HACL1: variants seen among roughly 807,000 people sequenced by gnomAD.
HACL1 encodes the protein 2-hydroxyacyl-CoA lyase 1.
HACL1 carries 64 observed loss-of-function variants against 74.2 expected under a neutral mutation model. That is an observed-to-expected ratio of 0.86 (90% confidence interval 0.70 to 1.06). The LOEUF is 1.06. HACL1 is among the 50% of genes least tolerant of loss of function. The probability of loss-of-function intolerance (pLI) is 0.00; values close to 1 mark genes in which losing one functional copy is unlikely to be tolerated. For synonymous variants in HACL1, 230 were observed against 238.8 expected (o/e 0.96, Z 0.34); for missense variants, 728 against 719.7 (o/e 1.01, Z -0.13).
intron 10 of HACL1, among the ~76,000 whole-genome samples, chr3:15,573,693 C>T (rs2063574862): frequency 1.3e-5 from 2 of 152,100 alleles, no homozygotes; most frequent in South Asian, 2.1e-4. Flanking sequence ...ATAGGTCTGG[C>T]GTAGGGTCCA....
intron 14 of HACL1, among the ~76,000 whole-genome samples, chr3:15,564,899 G>A (rs1362399528): frequency 6.6e-6 from 1 of 152,182 alleles, no homozygotes; most frequent in Non-Finnish European, 1.5e-5. Flanking sequence ...GGGCATGATG[G>A]CTCATGCCTG....
At position 15,598,433 on chromosome 3, in the gene HACL1, G is replaced by A. The variant is rs142531916; in HGVS notation, c.187-2009C>T. Among the ~76,000 whole-genome samples the A allele has an allele frequency of 3.1e-4, 47 of 152,306 alleles. 1 individual carries two copies. The East Asian group carries it at 8.5e-3, about 27-fold the overall frequency. The stretch of plus-strand genomic sequence containing the variant: ...GTGGACTCTCGAGCCAATCTGTTTT[G>A]ATTTAAATCCCAGCTTCCCCACTTT... On this transcript the variant is annotated intron_variant, in intron 2 of 16. Transcript: ENST00000321169.
intron 2 of HACL1, among the ~76,000 whole-genome samples, chr3:15,597,490 C>T (rs962396571): frequency 5.4e-5 from 8 of 149,054 alleles, no homozygotes; most frequent in African/African-American, 2.1e-4. Context: ...TCTTCTTAGT[C>T]TGGGACATCA....
Position 15,571,753 on chromosome 3 carries a change from T to C in HACL1, c.1010A>G (p.Asp337Gly). The C allele has an allele frequency of 7.8e-7, 1 of 1,289,092 alleles. No individual in the cohort carries two copies. Among genetic ancestry groups the C allele is most frequent in the East Asian group, 3.1e-5 (1 of 31,758 alleles). The allele number at this position is 1,289,092 out of a possible 1,614,324, so 79.9% of individuals were successfully genotyped here. Reference sequence around the variant, plus strand: ...TGGAGGATACTGCCATGGTGTTTTATCAAGTTCCTCTAAAAGCTTAAAAAA... The same window carrying C: ...TGGAGGATACTGCCATGGTGTTTTACCAAGTTCCTCTAAAAGCTTAAAAAA... ...AVTKQLLEEL[D>G]KTPWQYPPES... Residue 337 changes from aspartate to glycine, a missense_variant, in exon 12 of 17, where the codon GAT (aspartate) becomes GGT (glycine). Asp to Gly is a moderately conservative substitution (Grantham distance 94). Coordinates refer to ENST00000321169, the MANE Select transcript of HACL1 (RefSeq NM_012260.4).
At chr3:15,573,299 A>C in intron 10 of HACL1, 57 bp from the exon 11 acceptor site, 2 of 976,594 alleles carry the variant, frequency 2.0e-6, no homozygotes, top group South Asian at 2.6e-5. Context: ...AATATGTAAG[A>C]AGGCAATTAC....
Position 15,563,390 on chromosome 3 carries a change from T to C in HACL1, c.1672A>G (p.Met558Val), listed in dbSNP as rs1220160709. 2 of 1,613,668 alleles carry C rather than the reference T, an allele frequency of 1.2e-6. No individual in the cohort carries two copies. The highest frequency in any genetic ancestry group is 1.7e-6 in the Non-Finnish European group (2 of 1,179,722). Residue 558 changes from methionine to valine, a missense_variant, in exon 16 of 17, where the codon ATG becomes GTG. Transcript: ENST00000321169. ...DTTKPSLINI[M>V]IEPQATRKAQ... is the part of the protein sequence containing the mutation. ...TTCCGTGTGGCTTGTGGCTCAATCATGATGTTGATAAGAGAAGGTTTAGTT... is the reference window on the plus strand; with the variant it reads ...TTCCGTGTGGCTTGTGGCTCAATCACGATGTTGATAAGAGAAGGTTTAGTT...
intron 9 of HACL1, among the ~76,000 whole-genome samples, chr3:15,575,567 GTC>G (rs1420949157): frequency 6.6e-6 from 1 of 151,950 alleles, no homozygotes; most frequent in Non-Finnish European, 1.5e-5. Flanking sequence ...TTGAGACAGG[GTC>G]TCTCTCTCTT....
chr3:15,600,379 T>C (rs961519742), intron 2 of HACL1, among the ~76,000 whole-genome samples: 1 of 152,226 alleles, frequency 6.6e-6, no homozygotes, highest in Admixed American at 6.5e-5. Flanking sequence ...ATCACAGAAG[T>C]GGATTCTTGA....
intron 14 of HACL1, among the ~76,000 whole-genome samples, chr3:15,567,130 G>C (rs1000481426): frequency 3.3e-5 from 5 of 150,424 alleles, no homozygotes; most frequent in Admixed American, 3.3e-4. Flanking sequence ...TTGGTTAAGT[G>C]ACTTAAAGTC....
At chr3:15,592,025 CTACA>C (rs2063911679) in intron 3 of HACL1, among the ~76,000 whole-genome samples, 1 of 138,296 alleles carries the variant, frequency 7.2e-6, no homozygotes. Flanking sequence ...TATACACACA[CTACA>C]TACGTATATA....
At position 15,571,785 on chromosome 3, in the gene HACL1, ACACAC is replaced by A; in HGVS notation, c.994-21_994-17del. Reference sequence around the variant, plus strand: ...CCTCTAAAAGCTTAAAAAAAAAAAAACACACACACACAAACACATAAACTTTTTCT... The same window carrying A: ...CCTCTAAAAGCTTAAAAAAAAAAAAAACACACAAACACATAAACTTTTTCT... On this transcript the variant is annotated splice_polypyrimidine_tract_variant and intron_variant, in intron 11 of 16. Transcript: ENST00000321169. 1.2e-6 allele frequency: 1 copy of A among 843,604 alleles called. No homozygotes were observed. Among genetic ancestry groups the A allele is most frequent in the Non-Finnish European group, 1.9e-6 (1 of 530,254 alleles). 52.3% of individuals were successfully genotyped at this position (843,604 alleles called of 1,614,324 possible). A position where few individuals can be genotyped will look rare whatever the true frequency, so the allele number is the denominator to read the frequency against.
intron 13 of HACL1, 121 bp from the exon 14 acceptor site, chr3:15,568,123 C>G: frequency 1.2e-6 from 1 of 860,966 alleles, no homozygotes; most frequent in Non-Finnish European, 1.8e-6. Flanking sequence ...TAAAAACATT[C>G]TCTTTCTTCA....
At position 15,601,546 on chromosome 3, in the gene HACL1, C is replaced by G. The variant is rs751047280; in HGVS notation, c.-83G>C. Reference sequence around the variant, plus strand: ...CAAGGCAAACGCGAAATCGGCAGCACGCCACCTCTGGTACTGCACCTCTGA... The same window carrying G: ...CAAGGCAAACGCGAAATCGGCAGCAGGCCACCTCTGGTACTGCACCTCTGA... On this transcript the variant is annotated 5_prime_UTR_variant, in exon 1 of 17. Transcript: ENST00000321169. 1.2e-6 allele frequency: 2 copies of G among 1,604,982 alleles called. No individual in the cohort carries two copies. Among genetic ancestry groups the G allele is most frequent in the South Asian group, 2.2e-5 (2 of 90,936 alleles).
At chr3:15,574,924 G>T (rs2125244920) in intron 10 of HACL1, 53 bp downstream of exon 10, 1 of 798,896 alleles carries the variant, frequency 1.3e-6, no homozygotes, top group Non-Finnish European at 2.2e-6. Context: ...CGGCTGATAG[G>T]GAGAATAATG....
intron 5 of HACL1, among the ~76,000 whole-genome samples, chr3:15,587,114 A>G (rs1207606665): frequency 6.6e-6 from 1 of 152,104 alleles, no homozygotes; most frequent in Non-Finnish European, 1.5e-5. Flanking sequence ...TCACTGTTTA[A>G]TATATCTTGA....
intron 14 of HACL1, among the ~76,000 whole-genome samples, chr3:15,565,070 C>T (rs2063409913): frequency 6.6e-6 from 1 of 151,624 alleles, no homozygotes; most frequent in African/African-American, 2.4e-5. Flanking sequence ...GAGGCTGAGG[C>T]AGAAGAATCG....
intron 15 of HACL1, among the ~76,000 whole-genome samples, chr3:15,563,972 A>G (rs1211527365): frequency 6.6e-6 from 1 of 152,176 alleles, no homozygotes; most frequent in South Asian, 2.1e-4. Flanking sequence ...GAAGAAAAAC[A>G]TGAAAAAAAA....
chr3:15,588,808 TGAC>T (rs2063840407), intron 5 of HACL1, among the ~76,000 whole-genome samples: 3 of 152,088 alleles, frequency 2.0e-5, no homozygotes, highest in Non-Finnish European at 1.5e-5. Context: ...CTTTTAATTT[TGAC>T]ATGCTTTCTT....
intron 16 of HACL1, 52 bp downstream of exon 16, chr3:15,563,306 G>A (rs1574903520): frequency 8.2e-7 from 1 of 1,213,416 alleles, no homozygotes; most frequent in East Asian, 2.3e-5. Context: ...TTTTGGAGGG[G>A]GATAGGGGAA....
Sources: allele counts gnomAD v4.1 joint callset (sites outside exome capture counted in the v4.1 genomes callset), GRCh38; gene constraint gnomAD v4.1.1; transcripts MANE v1.5; gene names NCBI Gene and HGNC (gene_info 2026-07-23, HGNC 2026-07-21).